Variants in ELMO1 observed in about 807,000 individuals in gnomAD.
The protein encoded by ELMO1 is engulfment and cell motility 1.
Under a neutral mutation model 98.9 loss-of-function variants are expected in ELMO1, and 26 were observed. That is an observed-to-expected ratio of 0.26 (90% CI 0.19 to 0.36). The LOEUF (loss-of-function observed/expected upper bound fraction) is 0.36, where lower values mean the gene tolerates loss of function less well. Ranked by LOEUF, ELMO1 falls within the 10% of genes least tolerant of loss-of-function variation. ELMO1 has a pLI of 1.00. For synonymous variants in ELMO1, 346 were observed against 346.0 expected, an observed-to-expected ratio of 1.00 and a Z score of 0.00; for missense variants, 627 against 935.2, an observed-to-expected ratio of 0.67 and a Z score of 4.30.
chr7:36,924,796 C>T (rs1484084696), intron 16 of ELMO1, among the ~76,000 whole-genome samples: 1 of 151,948 alleles, frequency 6.6e-6, no homozygotes. Context: ...GGCAGGTGGG[C>T]ACAAGAGAGC....
intron 16 of ELMO1, among the ~76,000 whole-genome samples, chr7:36,947,178 G>A (rs1385711055): frequency 6.6e-6 from 1 of 152,110 alleles, no homozygotes; most frequent in Non-Finnish European, 1.5e-5. Flanking sequence ...ATGTCCCTGT[G>A]TACCCAATGT....
intron 13 of ELMO1, among the ~76,000 whole-genome samples, chr7:37,181,375 C>T (rs1198203764): frequency 6.6e-6 from 1 of 152,002 alleles, no homozygotes; most frequent in Non-Finnish European, 1.5e-5. Flanking sequence ...TTACACCACA[C>T]CTGCCCTCTC....
intron 1 of ELMO1, among the ~76,000 whole-genome samples, chr7:37,398,434 A>G (rs887920679): frequency 6.6e-6 from 1 of 152,210 alleles, no homozygotes; most frequent in African/African-American, 2.4e-5. Flanking sequence ...TGCTCCATTC[A>G]AGAAAAAAGA....
At chr7:37,115,016 C>T (rs1488490925) in intron 14 of ELMO1, among the ~76,000 whole-genome samples, 2 of 152,000 alleles carry the variant, frequency 1.3e-5, no homozygotes, top group Admixed American at 6.5e-5. Flanking sequence ...TGGACCAATT[C>T]CTTGAAAGAC....
At chr7:37,436,867 T>G (rs917492766) in intron 1 of ELMO1, among the ~76,000 whole-genome samples, 2 of 152,228 alleles carry the variant, frequency 1.3e-5, no homozygotes, top group African/African-American at 4.8e-5. Context: ...ACTGGGTCTG[T>G]ACACTTGGGA....
At chr7:36,899,967 G>A (rs185093480) in intron 16 of ELMO1, among the ~76,000 whole-genome samples, 1 of 152,148 alleles carries the variant, frequency 6.6e-6, no homozygotes, top group East Asian at 1.9e-4. Context: ...TACAATCCCA[G>A]AAGGAAATTA....
At chr7:37,264,921 A>G (rs1010752171) in intron 5 of ELMO1, among the ~76,000 whole-genome samples, 5 of 152,164 alleles carry the variant, frequency 3.3e-5, no homozygotes, top group African/African-American at 1.2e-4. Flanking sequence ...GTAGTCTAAA[A>G]ACATCCTTAG....
intron 16 of ELMO1, among the ~76,000 whole-genome samples, chr7:36,970,740 A>G (rs947227952): frequency 3.3e-5 from 5 of 152,186 alleles, no homozygotes; most frequent in African/African-American, 1.2e-4. Context: ...CTTTTCCTCA[A>G]TGCAAGAACA....
intron 21 of ELMO1, among the ~76,000 whole-genome samples, chr7:36,858,679 A>G (rs1369673495): frequency 6.6e-6 from 1 of 152,218 alleles, no homozygotes; most frequent in Non-Finnish European, 1.5e-5. Flanking sequence ...TCAGAGTCAG[A>G]GTCAGAGAAG....
Position 37,053,971 on chromosome 7 carries a change from GT to G in ELMO1, c.1301-40537del, listed in dbSNP as rs1796259653. Among the ~76,000 whole-genome samples, 4 of 152,138 alleles carry G rather than the reference GT, an allele frequency of 2.6e-5. No individual in the cohort carries two copies. In the South Asian group the frequency reaches 8.3e-4, roughly 32 times the overall value. ...AAATAAATACTCCTCTTGGTTTGGGGTATCCTAAAAAGTCTGAATGTATAGT... is the reference window on the plus strand; with the variant it reads ...AAATAAATACTCCTCTTGGTTTGGGGATCCTAAAAAGTCTGAATGTATAGT... On this transcript the variant is annotated intron_variant, in intron 15 of 21. Coordinates refer to ENST00000310758, the MANE Select transcript of ELMO1 (RefSeq NM_014800.11).
chr7:37,401,919 A>C (rs1803554762), intron 1 of ELMO1, among the ~76,000 whole-genome samples: 1 of 152,178 alleles, frequency 6.6e-6, no homozygotes, highest in African/African-American at 2.4e-5. Flanking sequence ...GGCCTTGCTA[A>C]ATTTCTCACA....
intron 13 of ELMO1, among the ~76,000 whole-genome samples, chr7:37,166,482 T>A (rs1268769508): frequency 1.3e-5 from 2 of 152,192 alleles, no homozygotes; most frequent in Non-Finnish European, 2.9e-5. Context: ...TTTAGTGCTA[T>A]AAATTTCCCT....
intron 16 of ELMO1, among the ~76,000 whole-genome samples, chr7:36,935,852 T>G (rs1476993037): frequency 1.3e-5 from 2 of 152,174 alleles, no homozygotes; most frequent in African/African-American, 4.8e-5. Context: ...CATTTGGTCT[T>G]GAATGTTCAT....
intron 16 of ELMO1, among the ~76,000 whole-genome samples, chr7:36,964,484 C>T (rs1459754244): frequency 1.3e-5 from 2 of 152,132 alleles, no homozygotes; most frequent in African/African-American, 2.4e-5. Context: ...GAATGTGTGT[C>T]GCTCTCACAT....
At chr7:37,433,453 A>G (rs1406070773) in intron 1 of ELMO1, among the ~76,000 whole-genome samples, 1 of 152,132 alleles carries the variant, frequency 6.6e-6, no homozygotes, top group Non-Finnish European at 1.5e-5. Flanking sequence ...CCATCCACAC[A>G]TATCATATGG....
chr7:37,250,008 G>A (rs1795252353), intron 6 of ELMO1, among the ~76,000 whole-genome samples: 2 of 152,172 alleles, frequency 1.3e-5, no homozygotes, highest in South Asian at 2.1e-4. Flanking sequence ...AAGCCCTGGA[G>A]GTCAAGGCTG....
At chr7:36,943,431 T>C (rs1787215172) in intron 16 of ELMO1, among the ~76,000 whole-genome samples, 1 of 152,224 alleles carries the variant, frequency 6.6e-6, no homozygotes, top group Admixed American at 6.5e-5. Context: ...CTTGTCTCTG[T>C]GCTCTCTGTT....
intron 13 of ELMO1, among the ~76,000 whole-genome samples, chr7:37,145,568 G>A (rs757229322): frequency 4.6e-5 from 7 of 152,330 alleles, no homozygotes; most frequent in Admixed American, 2.0e-4. Flanking sequence ...AATGCTTCCT[G>A]GTTGGGAAAA....
chr7:37,114,747 T>C (rs1465391234), intron 14 of ELMO1, among the ~76,000 whole-genome samples: 1 of 149,270 alleles, frequency 6.7e-6, no homozygotes, highest in East Asian at 2.0e-4. Context: ...AGAAAAGAAG[T>C]AAAAAAAAAT....
Sources: allele counts gnomAD v4.1 joint callset (sites outside exome capture counted in the v4.1 genomes callset), GRCh38; gene constraint gnomAD v4.1.1; transcripts MANE v1.5; gene names NCBI Gene and HGNC (gene_info 2026-07-23, HGNC 2026-07-21).